The following LTBP1 variants were observed in gnomAD, a reference collection of about 807,000 sequenced individuals.
LTBP1 encodes the protein latent transforming growth factor beta binding protein 1.
Under a neutral mutation model 207.6 loss-of-function variants are expected in LTBP1, and 129 were observed. That is an observed-to-expected ratio of 0.62 (90% CI 0.54 to 0.72). LTBP1 has a LOEUF of 0.72. Among genes scored for constraint, LTBP1 ranks in the 30% least tolerant of loss-of-function variants. The probability of loss-of-function intolerance (pLI) is 0.00; values close to 1 mark genes in which losing one functional copy is unlikely to be tolerated. For missense variants in LTBP1, 2,281 were observed against 2,217.2 expected (o/e 1.03, Z -0.58); for synonymous variants, 963 against 833.7 (o/e 1.16, Z -2.67).
At chr2:33,395,806 C>A (rs2095352984) in intron 32 of LTBP1, among the ~76,000 whole-genome samples, 1 of 151,780 alleles carries the variant, frequency 6.6e-6, no homozygotes, top group Non-Finnish European at 1.5e-5. Context: ...CCAAGTTAGA[C>A]CTTATTGCCC....
chr2:33,150,703 TCTTTTTC>T, intron 5 of LTBP1, among the ~76,000 whole-genome samples: 1 of 137,074 alleles, frequency 7.3e-6, no homozygotes, highest in African/African-American at 2.7e-5. Context: ...TTTTCTTTTT[TCTTTTTC>T]TTTTTTTTTT....
intron 2 of LTBP1, among the ~76,000 whole-genome samples, chr2:32,952,336 G>A (rs1448662631): frequency 6.6e-6 from 1 of 152,200 alleles, no homozygotes; most frequent in Non-Finnish European, 1.5e-5. Flanking sequence ...GGTCCTCTAG[G>A]CTGTAGCTGC....
At chr2:33,324,038 G>C (rs895464658) in intron 24 of LTBP1, among the ~76,000 whole-genome samples, 2 of 151,978 alleles carry the variant, frequency 1.3e-5, no homozygotes, top group Non-Finnish European at 2.9e-5. Context: ...ATGTGTGTTG[G>C]CAAGTATCCG....
intron 5 of LTBP1, among the ~76,000 whole-genome samples, chr2:33,141,770 C>T (rs559865002): frequency 2.8e-4 from 43 of 152,198 alleles, no homozygotes; most frequent in Non-Finnish European, 5.1e-4. Context: ...TTGTCTAAAC[C>T]GTGGAGCACC....
chr2:33,108,125 G>A (rs2080170286), intron 3 of LTBP1, among the ~76,000 whole-genome samples: 1 of 152,184 alleles, frequency 6.6e-6, no homozygotes, highest in Non-Finnish European at 1.5e-5. Context: ...AGAGAGTGTA[G>A]GATAGTGATT....
intron 3 of LTBP1, among the ~76,000 whole-genome samples, chr2:33,023,312 T>C (rs2075263337): frequency 6.6e-6 from 1 of 152,214 alleles, no homozygotes; most frequent in South Asian, 2.1e-4. Flanking sequence ...TGACCCTCTA[T>C]GATGTATATA....
At chr2:33,326,535 G>T (rs1695150136) in intron 24 of LTBP1, among the ~76,000 whole-genome samples, 2 of 151,942 alleles carry the variant, frequency 1.3e-5, no homozygotes. Context: ...CAGTCATGAG[G>T]ATATTCATTC....
intron 26 of LTBP1, among the ~76,000 whole-genome samples, chr2:33,356,459 C>T (rs2094861657): frequency 6.6e-6 from 1 of 152,148 alleles, no homozygotes. Flanking sequence ...GTGGGTGGAT[C>T]ACGAGGTCAG....
At chr2:33,198,400 A>G (rs1300000274) in intron 7 of LTBP1, among the ~76,000 whole-genome samples, 3 of 152,188 alleles carry the variant, frequency 2.0e-5, no homozygotes, top group Non-Finnish European at 4.4e-5. Flanking sequence ...TATCAGGATG[A>G]TGCTGGCCTC....
intron 3 of LTBP1, among the ~76,000 whole-genome samples, chr2:33,110,138 C>A (rs148090476): frequency 1.3e-5 from 2 of 152,148 alleles, no homozygotes; most frequent in African/African-American, 2.4e-5. Context: ...TCATCCAGGC[C>A]GGAGTACAGT....
chr2:33,050,327 A>G (rs1049941011), intron 3 of LTBP1, among the ~76,000 whole-genome samples: 7 of 152,018 alleles, frequency 4.6e-5, no homozygotes, highest in African/African-American at 1.7e-4. Flanking sequence ...CATTCAGGTG[A>G]CAATATGGGT....
intron 19 of LTBP1, among the ~76,000 whole-genome samples, chr2:33,284,725 A>T (rs963493901): frequency 6.6e-6 from 1 of 152,226 alleles, no homozygotes; most frequent in Non-Finnish European, 1.5e-5. Context: ...TTATTTAAAG[A>T]TACATTTGAT....
intron 31 of LTBP1, among the ~76,000 whole-genome samples, chr2:33,367,332 A>G (rs1050859227): frequency 6.6e-6 from 1 of 152,218 alleles, no homozygotes; most frequent in Non-Finnish European, 1.5e-5. Context: ...CTTAAAATAG[A>G]TGAAAGTTAG....
intron 5 of LTBP1, among the ~76,000 whole-genome samples, chr2:33,144,680 T>C (rs2082878989): frequency 6.6e-6 from 1 of 152,210 alleles, no homozygotes; most frequent in Non-Finnish European, 1.5e-5. Flanking sequence ...GGACTTAAAA[T>C]AGATATTTGT....
intron 32 of LTBP1, among the ~76,000 whole-genome samples, chr2:33,396,308 C>T (rs1370362369): frequency 1.3e-5 from 2 of 152,116 alleles, no homozygotes; most frequent in African/African-American, 4.8e-5. Flanking sequence ...GCATCCTCCA[C>T]CTCTCAGGCT....
intron 5 of LTBP1, among the ~76,000 whole-genome samples, chr2:33,162,293 C>G (rs542058426): frequency 6.6e-6 from 1 of 152,110 alleles, no homozygotes; most frequent in African/African-American, 2.4e-5. Flanking sequence ...TGGTCAATAC[C>G]TTAAAAATAA....
At chr2:32,960,211 A>C (rs1678867913) in intron 2 of LTBP1, among the ~76,000 whole-genome samples, 1 of 150,798 alleles carries the variant, frequency 6.6e-6, no homozygotes, top group African/African-American at 2.4e-5. Flanking sequence ...CTCATCACAC[A>C]ACTTCATTCA....
chr2:33,385,638 G>A (rs2095259013), intron 31 of LTBP1, among the ~76,000 whole-genome samples: 1 of 152,174 alleles, frequency 6.6e-6, no homozygotes, highest in Non-Finnish European at 1.5e-5. Flanking sequence ...GAAGTAAGTG[G>A]TGCAGTCAGG....
intron 4 of LTBP1, among the ~76,000 whole-genome samples, chr2:33,114,504 C>G (rs952370687): frequency 6.6e-6 from 1 of 152,104 alleles, no homozygotes; most frequent in Non-Finnish European, 1.5e-5. Context: ...TGGAACGTGA[C>G]AAAAGCAGCC....
Sources: gnomAD v4.1 joint callset for allele counts (sites outside exome capture counted in the v4.1 genomes callset) on GRCh38, gnomAD v4.1.1 for gene constraint, MANE v1.5 for transcripts, NCBI Gene and HGNC (gene_info 2026-07-23, HGNC 2026-07-21) for gene names.